Variants in FRMPD4 observed in about 807,000 individuals in gnomAD.
The protein encoded by FRMPD4 is FERM and PDZ domain-containing protein 4.
FRMPD4 carries 22 observed loss-of-function variants against 94.1 expected under a neutral mutation model. The observed-to-expected ratio is 0.23, with a 90% CI of 0.17 to 0.33. The LOEUF (loss-of-function observed/expected upper bound fraction) is 0.33. Among genes scored for constraint, FRMPD4 ranks in the 10% least tolerant of loss-of-function variants. FRMPD4 has a pLI of 1.00. For missense variants in FRMPD4, 1,111 were observed against 1,339.9 expected, an observed-to-expected ratio of 0.83 and a Z score of 2.67; for synonymous variants, 631 against 548.6, an observed-to-expected ratio of 1.15 and a Z score of -2.10.
intron 1 of FRMPD4, among the ~76,000 whole-genome samples, chrX:12,145,909 G>A (rs2055757971): frequency 8.9e-6 from 1 of 111,940 alleles, no homozygotes; most frequent in Non-Finnish European, 1.9e-5. Context: ...GACTTAAACT[G>A]TCAGCACTTA....
chrX:12,386,076 A>G (rs1161757822), intron 1 of FRMPD4, among the ~76,000 whole-genome samples: 1 of 112,051 alleles, frequency 8.9e-6, no homozygotes, highest in Admixed American at 9.5e-5. Flanking sequence ...GTTTCCCAGG[A>G]GCAAAACCTT....
At chrX:11,958,736 A>G (rs1219367932) in intron 3 of FRMPD4, among the ~76,000 whole-genome samples, 1 of 112,276 alleles carries the variant, frequency 8.9e-6, no homozygotes, top group Non-Finnish European at 1.9e-5. Flanking sequence ...GGATGGTGAT[A>G]GAACCCATTA....
intron 1 of FRMPD4, among the ~76,000 whole-genome samples, chrX:12,484,513 C>G (rs757310034): frequency 1.8e-5 from 2 of 112,261 alleles, no homozygotes; most frequent in Admixed American, 9.4e-5. Context: ...AAATGGCTGT[C>G]AGAGACACTT....
At chrX:12,364,973 G>A (rs991702998) in intron 1 of FRMPD4, among the ~76,000 whole-genome samples, 5 of 112,463 alleles carry the variant, frequency 4.4e-5, no homozygotes, top group Admixed American at 9.4e-5. Flanking sequence ...TCACCTCTAC[G>A]TGTCCTGGCC....
chrX:11,931,321 T>C (rs1010184438), intron 3 of FRMPD4, among the ~76,000 whole-genome samples: 2 of 112,212 alleles, frequency 1.8e-5, no homozygotes, highest in African/African-American at 6.5e-5. Context: ...TATAGTTCTA[T>C]GAATTGACCA....
intron 1 of FRMPD4, among the ~76,000 whole-genome samples, chrX:12,160,419 A>G (rs1197331041): frequency 9.0e-6 from 1 of 111,619 alleles, no homozygotes; most frequent in Non-Finnish European, 1.9e-5. Context: ...GGTTTTGACC[A>G]CTATTATTCT....
At chrX:12,441,923 G>C (rs1177913932) in intron 1 of FRMPD4, among the ~76,000 whole-genome samples, 14 of 111,547 alleles carry the variant, frequency 1.3e-4, no homozygotes, top group African/African-American at 4.6e-4. Context: ...TAGCTCTTTA[G>C]TGACTTTAGC....
chrX:12,414,466 C>T (rs867806411), intron 1 of FRMPD4, among the ~76,000 whole-genome samples: 3 of 112,415 alleles, frequency 2.7e-5, no homozygotes, highest in Non-Finnish European at 3.8e-5. Context: ...TCCCAAAGTT[C>T]ACACAAAACT....
intron 1 of FRMPD4, among the ~76,000 whole-genome samples, chrX:12,245,037 G>A (rs940318052): frequency 8.9e-6 from 1 of 112,733 alleles, no homozygotes; most frequent in Non-Finnish European, 1.9e-5. Context: ...GATTACGAGG[G>A]TAGAACACAT....
intron 3 of FRMPD4, among the ~76,000 whole-genome samples, chrX:11,910,937 C>CAA (rs371287212): frequency 8.5e-4 from 76 of 89,727 alleles, no homozygotes; most frequent in East Asian, 2.7e-3. Flanking sequence ...CCCCTGCCCA[C>CAA]AAAAAAAAAA....
intron 3 of FRMPD4, among the ~76,000 whole-genome samples, chrX:12,000,850 C>T (rs887967071): frequency 1.8e-5 from 2 of 111,886 alleles, no homozygotes; most frequent in African/African-American, 6.5e-5. Flanking sequence ...CTTGAGTCCC[C>T]GGTGCCATAA....
chrX:12,526,449 C>T (rs190203735), intron 2 of FRMPD4, among the ~76,000 whole-genome samples: 1 of 112,750 alleles, frequency 8.9e-6, no homozygotes, highest in Non-Finnish European at 1.9e-5. Flanking sequence ...TCACAAAGAG[C>T]CCCTTGGGGC....
intron 3 of FRMPD4, 100 bp from the exon 4 acceptor site, chrX:12,614,679 G>A (rs1234462713): frequency 2.1e-6 from 1 of 485,000 alleles, no homozygotes; most frequent in Non-Finnish European, 3.7e-6. Flanking sequence ...CGGTTTTGCT[G>A]ATAGCACCAT....
intron 1 of FRMPD4, among the ~76,000 whole-genome samples, chrX:12,454,531 G>C (rs1309867889): frequency 9.2e-6 from 1 of 109,144 alleles, no homozygotes; most frequent in Admixed American, 9.7e-5. Context: ...ATTGCTGGAG[G>C]GTTTTTTTTT....
rs193158700 is a variant in FRMPD4, at chrX:12,347,719, G to T, written c.42-150961G>T. 2.1e-3 allele frequency among the ~76,000 whole-genome samples: 235 copies of T among 111,003 alleles called. 1 individual carries two copies. Among genetic ancestry groups the T allele is most frequent in the Admixed American group, 3.5e-3 (37 of 10,464 alleles). On this transcript the variant is annotated intron_variant, in intron 1 of 16. Coordinates refer to ENST00000675598, the MANE Select transcript of FRMPD4 (RefSeq NM_001368397.1). ...AGAAGTGTCACAATATTGAATTTTG[G>T]TCTGTCATCTAAGGTAGTATCAGTT...
intron 3 of FRMPD4, among the ~76,000 whole-genome samples, chrX:12,061,386 C>T (rs770943275): frequency 1.8e-5 from 2 of 111,847 alleles, no homozygotes; most frequent in South Asian, 3.7e-4. Flanking sequence ...GTTTTCAGGG[C>T]TTCTCTGTAT....
chrX:12,627,490 G>A (rs939038697), intron 4 of FRMPD4, among the ~76,000 whole-genome samples: 1 of 111,653 alleles, frequency 9.0e-6, no homozygotes, highest in African/African-American at 3.3e-5. Flanking sequence ...TCTGATAATT[G>A]CAAATTACAG....
At position 12,276,710 on chromosome X, in the gene FRMPD4, G is replaced by A. The variant is rs1410856855; in HGVS notation, c.41+137698G>A. Among the ~76,000 whole-genome samples the A allele has an allele frequency of 2.7e-5, 3 of 111,800 alleles. No individual in the cohort carries two copies. The Admixed American group carries it at 2.8e-4, about 11-fold the overall frequency. On this transcript the variant is annotated intron_variant, in intron 1 of 16. Transcript: ENST00000675598. ...CCCATTCCCATCATGGCCTGAAGTA[G>A]TTTTTCAGGTTAAGTTTGGAATGCC... is the stretch of plus-strand genomic sequence containing the variant.
chrX:12,439,361 G>T (rs1253523760), intron 1 of FRMPD4, among the ~76,000 whole-genome samples: 1 of 111,695 alleles, frequency 9.0e-6, no homozygotes, highest in Admixed American at 9.5e-5. Flanking sequence ...AATGATGGCA[G>T]ACTAACACGT....
Sources: gnomAD v4.1 joint callset for allele counts (sites outside exome capture counted in the v4.1 genomes callset) on GRCh38, gnomAD v4.1.1 for gene constraint, MANE v1.5 for transcripts, NCBI Gene and HGNC (gene_info 2026-07-23, HGNC 2026-07-21) for gene names.